The following MADD variants were observed in gnomAD, a reference collection of about 807,000 sequenced individuals.
The protein encoded by MADD is MAP kinase activating death domain, also known as MAP kinase-activating death domain protein.
Under a neutral mutation model 176.7 loss-of-function variants are expected in MADD, and 109 were observed. That is an observed-to-expected ratio of 0.62 (90% CI 0.53 to 0.72). The LOEUF (loss-of-function observed/expected upper bound fraction) is 0.72. Among genes scored for constraint, MADD ranks in the 30% least tolerant of loss-of-function variants. MADD has a pLI of 0.00. For missense variants in MADD, 1,914 were observed against 2,045.5 expected (o/e 0.94, Z 1.24); for synonymous variants, 771 against 771.3 (o/e 1.00, Z 0.01).
intron 21 of MADD, 143 bp from the exon 24 acceptor site, chr11:47,295,754 C>T: frequency 6.6e-7 from 1 of 1,519,444 alleles, no homozygotes; most frequent in Non-Finnish European, 8.8e-7. Context: ...AGCTTCTCAT[C>T]TTATAAAGAA....
exon 21 of MADD, chr11:47,295,570 T>C: frequency 1.9e-6 from 3 of 1,614,128 alleles, no homozygotes; most frequent in Non-Finnish European, 2.5e-6. Flanking sequence ...ATTCTGAAGT[T>C]AGCACCGTGG....
At chr11:47,295,841 G>A in intron 21 of MADD, 56 bp from the exon 24 acceptor site, 2 of 1,563,384 alleles carry the variant, frequency 1.3e-6, no homozygotes, top group Admixed American at 2.0e-5. Flanking sequence ...TAACAGCTTG[G>A]TATTTCTGGG....
At chr11:47,323,237 CA>C (rs11341336) in intron 27 of MADD, among the ~76,000 whole-genome samples, 39,356 of 108,884 alleles carry the variant, frequency 0.36, 5,507 homozygotes, top group Non-Finnish European at 0.42. Flanking sequence ...GACTCCATCT[CA>C]AAAAAAAAAA....
chr11:47,283,514 G>A (rs1458863374), intron 10 of MADD, among the ~76,000 whole-genome samples: 2 of 152,018 alleles, frequency 1.3e-5, no homozygotes, highest in African/African-American at 4.8e-5. Context: ...TGATTCTCCT[G>A]CCTCCGCCTC....
intron 23 of MADD, 58 bp downstream of exon 25, chr11:47,308,757 G>A (rs1048750453): frequency 1.4e-6 from 2 of 1,404,260 alleles, no homozygotes; most frequent in African/African-American, 1.4e-5. Flanking sequence ...AGCCAGGGGA[G>A]AGGGTCACAC....
intron 10 of MADD, among the ~76,000 whole-genome samples, chr11:47,283,424 A>T (rs1456649872): frequency 6.6e-6 from 1 of 151,254 alleles, no homozygotes. Flanking sequence ...TATGTGACAG[A>T]GTCTTGCTGC....
At chr11:47,302,429 G>C (rs1283696925) in intron 22 of MADD, among the ~76,000 whole-genome samples, 1 of 152,192 alleles carries the variant, frequency 6.6e-6, no homozygotes, top group African/African-American at 2.4e-5. Context: ...GGCCAGGCTG[G>C]TCTCAAACTC....
rs764757169 is a variant in MADD, at chr11:47,324,307, G to T, written c.4405G>T (p.Ala1469Ser). 1 of 1,614,190 alleles carries T rather than the reference G, an allele frequency of 6.2e-7. No homozygotes were observed. The highest frequency in any genetic ancestry group is 8.5e-7 in the Non-Finnish European group (1 of 1,180,026). ...CTGTGTGAAGGACAGCATGGAGCGC[G>T]CTGCCGCCCGACAGCAAAGCATCAA... The change falls in exon 29 of 33, where the codon GCT becomes TCT. Residue 1469 changes from alanine to serine, a missense_variant. Physicochemically the swap from Ala to Ser is moderately conservative, Grantham distance 99. Coordinates refer to ENST00000402192, the Ensembl canonical transcript of MADD.
At chr11:47,271,152 A>G (rs1251293944) in intron 1 of MADD, 1 of 152,238 alleles carries the variant, frequency 6.6e-6, no homozygotes, top group East Asian at 1.9e-4. Flanking sequence ...CTTTTGGAAT[A>G]CAGGAAGATA....
intron 31 of MADD, chr11:47,328,454 T>C (rs892038220): frequency 2.6e-5 from 38 of 1,448,976 alleles, no homozygotes; most frequent in Admixed American, 5.4e-5. Context: ...CTGAGGAGGC[T>C]AGGGCCATGT....
At chr11:47,303,239 G>T (rs907804586) in intron 22 of MADD, among the ~76,000 whole-genome samples, 174 of 108,134 alleles carry the variant, frequency 1.6e-3, no homozygotes, top group Middle Eastern at 5.6e-3. Flanking sequence ...TTCTCTTGCT[G>T]TTTTTTTTTT....
At chr11:47,291,650 C>T (rs1318154481) in intron 19 of MADD, among the ~76,000 whole-genome samples, 1 of 152,186 alleles carries the variant, frequency 6.6e-6, no homozygotes, top group Non-Finnish European at 1.5e-5. Flanking sequence ...TAGCAGTCAA[C>T]TCCTGGCTTT....
chr11:47,308,526 C>T (rs960885281), intron 22 of MADD, 65 bp from the exon 25 acceptor site: 65 of 1,157,296 alleles, frequency 5.6e-5, no homozygotes, highest in Admixed American at 3.0e-4. Context: ...TAGTGAAGTG[C>T]GTGGTTTCCT....
chr11:47,317,971 T>C (rs929847674), intron 27 of MADD, among the ~76,000 whole-genome samples: 1 of 152,246 alleles, frequency 6.6e-6, no homozygotes, highest in African/African-American at 2.4e-5. Flanking sequence ...GGTTTTACCA[T>C]GTTGGCCAGG....
In MADD at chr11:47,282,547, C is replaced by T; in HGVS notation, c.1636C>T (p.Gln546Ter). Residue 546 changes from glutamine to a stop codon, truncating the protein, a stop_gained, in exon 9 of 33, where the codon CAG (glutamine) becomes TAG (stop). Coordinates refer to ENST00000402192, the Ensembl canonical transcript of MADD. LOFTEE classifies it high-confidence loss of function. ...TTTTGCCGAGAAATTGGCCAGGACT[C>T]AGGCTGTGGAGTACTTTGGGGAATG... 1 of 1,614,226 alleles carries T rather than the reference C, an allele frequency of 6.2e-7. No homozygotes were observed. Among genetic ancestry groups the T allele is most frequent in the South Asian group, 1.1e-5 (1 of 91,084 alleles).
Position 47,313,397 on chromosome 11 carries a change from C to G in MADD, c.4089+1555C>G, listed in dbSNP as rs187541552. Among the ~76,000 whole-genome samples the G allele has an allele frequency of 1.4e-3, 213 of 151,430 alleles. 2 individuals carry two copies. The highest frequency in any genetic ancestry group is 4.8e-3 in the African/African-American group (198 of 41,348). On this transcript the variant is annotated intron_variant, in intron 26 of 32. Coordinates refer to ENST00000402192, the Ensembl canonical transcript of MADD. ...TGCTGGCTCACTGCTACCTCCGCCT[C>G]CTGGGCTCCTGGGTTCAAGCAATTC...
intron 23 of MADD, 132 bp from the exon 26 acceptor site, chr11:47,308,848 C>T (rs2085407263): frequency 9.7e-7 from 1 of 1,036,248 alleles, no homozygotes; most frequent in Non-Finnish European, 1.5e-6. Context: ...AAGCGACTTA[C>T]TGGGTCCAGA....
At chr11:47,285,004 T>C (rs778877930) in exon 13 of MADD, 2 of 1,613,972 alleles carry the variant, frequency 1.2e-6, no homozygotes, top group East Asian at 2.2e-5. Flanking sequence ...GCCCCTCCCT[T>C]CCGTGCCTCC....
intron 25 of MADD, among the ~76,000 whole-genome samples, chr11:47,309,838 C>CTTTTT (rs60488949): frequency 7.0e-6 from 1 of 143,654 alleles, no homozygotes; most frequent in African/African-American, 2.6e-5. Context: ...TGATGATTCT[C>CTTTTT]TTTTTTTTTT....
Sources: gnomAD v4.1 joint callset for allele counts (sites outside exome capture counted in the v4.1 genomes callset) on GRCh38, gnomAD v4.1.1 for gene constraint, MANE v1.5 for transcripts, NCBI Gene and HGNC (gene_info 2026-07-23, HGNC 2026-07-21) for gene names.